The following P4HA3 variants were observed in gnomAD, a reference collection of about 807,000 sequenced individuals.
The protein encoded by P4HA3 is prolyl 4-hydroxylase subunit alpha-3.
Under a neutral mutation model 66.7 loss-of-function variants are expected in P4HA3, and 60 were observed. That is an observed-to-expected ratio of 0.90 (90% confidence interval 0.73 to 1.12). The LOEUF is 1.12. Ranked by LOEUF, P4HA3 falls within the 50% of genes most tolerant of loss-of-function variation. P4HA3 has a pLI of 0.00. For synonymous variants in P4HA3, 263 were observed against 274.6 expected, an observed-to-expected ratio of 0.96 and a Z score of 0.42; for missense variants, 683 against 685.8, an observed-to-expected ratio of 1.00 and a Z score of 0.05.
chr11:74,269,804 C>A, intron 10 of P4HA3, 84 bp from the exon 11 acceptor site: 1 of 1,320,200 alleles, frequency 7.6e-7, no homozygotes, highest in Non-Finnish European at 1.1e-6. Flanking sequence ...TGCATAGATT[C>A]CTTCTCATGG....
intron 7 of P4HA3, among the ~76,000 whole-genome samples, chr11:74,280,065 T>C (rs773504803): frequency 1.3e-5 from 2 of 152,204 alleles, no homozygotes; most frequent in African/African-American, 2.4e-5. Context: ...ACTGCCTTGA[T>C]TATGAAAAGA....
chr11:74,302,603 A>G lies in P4HA3; in HGVS notation c.344-11T>C, dbSNP rs1279781494. 2 of 1,605,666 alleles carry G rather than the reference A, an allele frequency of 1.2e-6. No homozygotes were observed. Among genetic ancestry groups the G allele is most frequent in the Non-Finnish European group, 1.7e-6 (2 of 1,175,778 alleles). On this transcript the variant is annotated splice_polypyrimidine_tract_variant and intron_variant, in intron 2 of 12. Coordinates refer to ENST00000331597, the MANE Select transcript of P4HA3 (RefSeq NM_182904.5). ...AGCCATCCTTCAGAGCTGTAAAAGT[A>G]GTAAAAACATCAACCCAGCATTCAA... is the stretch of plus-strand genomic sequence containing the variant.
chr11:74,266,444 T>C (rs1412071895), downstream of P4HA3, among the ~76,000 whole-genome samples: 1 of 152,254 alleles, frequency 6.6e-6, no homozygotes, highest in Non-Finnish European at 1.5e-5. Context: ...GAAGATGTTA[T>C]ACTGTATTGT....
At chr11:74,291,286 C>T (rs1449125186) in intron 4 of P4HA3, among the ~76,000 whole-genome samples, 2 of 152,180 alleles carry the variant, frequency 1.3e-5, no homozygotes, top group Non-Finnish European at 2.9e-5. Context: ...GATTTCTGTA[C>T]ACTGATTTTG....
chr11:74,267,997 C>G, intron 12 of P4HA3, 148 bp downstream of exon 12: 1 of 706,522 alleles, frequency 1.4e-6, no homozygotes, highest in Non-Finnish European at 2.4e-6. Context: ...TTGGGGGCAC[C>G]TCATTCATAA....
intron 15 of P4HA3, chr11:74,256,079 ACT>A (rs1446617393): frequency 2.4e-6 from 1 of 409,794 alleles, no homozygotes; most frequent in Admixed American, 2.7e-5. Flanking sequence ...CTTCACAGCA[ACT>A]CTATGAGGTA....
intron 4 of P4HA3, among the ~76,000 whole-genome samples, chr11:74,296,290 G>A (rs918532112): frequency 6.6e-6 from 1 of 152,102 alleles, no homozygotes; most frequent in Non-Finnish European, 1.5e-5. Flanking sequence ...TTGAATCCAG[G>A]ACTGTCTGAT....
At chr11:74,271,332 G>A (rs1249071504) in intron 10 of P4HA3, among the ~76,000 whole-genome samples, 1 of 152,184 alleles carries the variant, frequency 6.6e-6, no homozygotes, top group Non-Finnish European at 1.5e-5. Flanking sequence ...TCAGTAAGGG[G>A]CAACCTGGAC....
At position 74,268,253 on chromosome 11, in the gene P4HA3, G is replaced by A. The variant is rs374947850; in HGVS notation, c.1468-12C>T. On this transcript the variant is annotated splice_polypyrimidine_tract_variant and intron_variant, in intron 11 of 12. Transcript: ENST00000331597. Reference sequence around the variant, plus strand: ...AACAGTGCTGCATTCTGAAACAAGAGGGCCCAGCCCCAGGGAGGGTCAGCC... The same window carrying A: ...AACAGTGCTGCATTCTGAAACAAGAAGGCCCAGCCCCAGGGAGGGTCAGCC... 1.2e-6 allele frequency: 2 copies of A among 1,610,702 alleles called. No homozygotes were observed. Among genetic ancestry groups the A allele is most frequent in the Non-Finnish European group, 8.5e-7 (1 of 1,178,082 alleles).
Position 74,289,148 on chromosome 11 carries a change from AAG to A in P4HA3, c.718-20_718-19del. Reference sequence around the variant, plus strand: ...TTTCCTGCCTGTTAAAAAAAAAAAAAAGAAAAGAAAGCATTAACTTCACTGAG... The same window carrying A: ...TTTCCTGCCTGTTAAAAAAAAAAAAAAAAAGAAAGCATTAACTTCACTGAG... On this transcript the variant is annotated intron_variant, in intron 4 of 12. Transcript: ENST00000331597. 1.9e-6 allele frequency: 3 copies of A among 1,561,394 alleles called. No individual in the cohort carries two copies. Among genetic ancestry groups the A allele is most frequent in the African/African-American group, 1.4e-5 (1 of 71,776 alleles).
chr11:74,268,256 C>T lies in P4HA3; in HGVS notation c.1468-15G>A. Reference sequence around the variant, plus strand: ...AGTGCTGCATTCTGAAACAAGAGGGCCCAGCCCCAGGGAGGGTCAGCCCAG... The same window carrying T: ...AGTGCTGCATTCTGAAACAAGAGGGTCCAGCCCCAGGGAGGGTCAGCCCAG... On this transcript the variant is annotated splice_polypyrimidine_tract_variant and intron_variant, in intron 11 of 12. Coordinates refer to ENST00000331597, the MANE Select transcript of P4HA3 (RefSeq NM_182904.5). 6.2e-7 allele frequency: 1 copy of T among 1,608,270 alleles called. No individual in the cohort carries two copies. The highest frequency in any genetic ancestry group is 1.1e-5 in the South Asian group (1 of 90,698).
chr11:74,290,763 G>A (rs146217454), intron 4 of P4HA3, among the ~76,000 whole-genome samples: 6,356 of 152,198 alleles, frequency 0.042, 178 homozygotes, highest in Non-Finnish European at 0.066. Flanking sequence ...GTAGATATGC[G>A]GCATTATTTC....
chr11:74,289,585 TCCCTCCC>T (rs1860934249), intron 4 of P4HA3, among the ~76,000 whole-genome samples: 1 of 121,454 alleles, frequency 8.2e-6, no homozygotes, highest in African/African-American at 3.2e-5. Context: ...CCTAAAGCTA[TCCCTCCC>T]CCCTCCCCCC....
Position 74,302,533 on chromosome 11 carries a change from C to G in P4HA3, c.403G>C (p.Gly135Arg), listed in dbSNP as rs1192450731. Residue 135 changes from glycine to arginine, a missense_variant, in exon 3 of 13, where the codon GGA (glycine) becomes CGA (arginine). Transcript: ENST00000331597. Reference protein sequence around the residue: ...QDLPAFEDLEGAARALMRLQD... With the variant: ...QDLPAFEDLERAARALMRLQD... The stretch of plus-strand genomic sequence containing the variant: ...AGCCGCATCAGGGCCCTTGCTGCTC[C>G]CTCAAGGTCCTCAAAGGCTGGAAGG... 1 of 1,614,102 alleles carries G rather than the reference C, an allele frequency of 6.2e-7. No individual in the cohort carries two copies. The highest frequency in any genetic ancestry group is 8.5e-7 in the Non-Finnish European group (1 of 1,180,052).
chr11:74,298,325 G>T lies in P4HA3; in HGVS notation c.604C>A (p.Pro202Thr). Residue 202 changes from proline to threonine, a missense_variant, in exon 4 of 13, where the codon CCA becomes ACA. Transcript: ENST00000331597. ...AGACTGACAGCCTCCTCCAGCCATGGAATGGCATGGTAATAATCCCCCATG... is the reference window on the plus strand; with the variant it reads ...AGACTGACAGCCTCCTCCAGCCATGTAATGGCATGGTAATAATCCCCCATG... The part of the protein sequence containing the change: ...YDMGDYYHAI[P>T]WLEEAVSLFR... The T allele has an allele frequency of 6.2e-7, 1 of 1,613,944 alleles. No individual in the cohort carries two copies. Among genetic ancestry groups the T allele is most frequent in the South Asian group, 1.1e-5 (1 of 91,078 alleles).
chr11:74,273,623 A>C lies in P4HA3; in HGVS notation c.1336-16T>G, dbSNP rs79541803. ...TGCTTGGTGACTGAGAAAAAAAAAA[A>C]CAGAACATATTATTTTATGCAGATG... On this transcript the variant is annotated splice_polypyrimidine_tract_variant and intron_variant, in intron 9 of 12. Coordinates refer to ENST00000331597, the MANE Select transcript of P4HA3 (RefSeq NM_182904.5). 8.4e-6 allele frequency: 13 copies of C among 1,552,236 alleles called. No individual in the cohort carries two copies. Among genetic ancestry groups the C allele is most frequent in the East Asian group, 2.3e-5 (1 of 43,220 alleles).
intron 10 of P4HA3, among the ~76,000 whole-genome samples, chr11:74,270,308 A>G (rs915155231): frequency 2.6e-5 from 4 of 152,172 alleles, no homozygotes; most frequent in Non-Finnish European, 4.4e-5. Flanking sequence ...GGAACTACTT[A>G]TTACACCTTT....
At chr11:74,262,022 T>A (rs998967351), downstream of P4HA3, among the ~76,000 whole-genome samples, 1 of 152,136 alleles carries the variant, frequency 6.6e-6, no homozygotes, top group Admixed American at 6.5e-5. Context: ...TCCAGTCCCA[T>A]AACGTGATAA....
chr11:74,260,364 G>A (rs914500782), intron 14 of P4HA3, among the ~76,000 whole-genome samples: 2 of 152,098 alleles, frequency 1.3e-5, no homozygotes, highest in African/African-American at 4.8e-5. Flanking sequence ...ATTCATTCAG[G>A]GTGAGCCCGC....
Sources: gnomAD v4.1 joint callset for allele counts (sites outside exome capture counted in the v4.1 genomes callset) on GRCh38, gnomAD v4.1.1 for gene constraint, MANE v1.5 for transcripts, NCBI Gene and HGNC (gene_info 2026-07-23, HGNC 2026-07-21) for gene names.